KPNA4: variants seen among roughly 807,000 people sequenced by gnomAD.
KPNA4 encodes karyopherin subunit alpha 4.
Under a neutral mutation model 71.3 loss-of-function variants are expected in KPNA4, and 13 were observed. That is an observed-to-expected ratio of 0.18 (90% CI 0.12 to 0.29). KPNA4 has a LOEUF of 0.29. Ranked by LOEUF, KPNA4 falls within the 10% of genes least tolerant of loss-of-function variation. KPNA4 has a pLI of 1.00. For missense variants in KPNA4, 334 were observed against 603.2 expected, an observed-to-expected ratio of 0.55 and a Z score of 4.67; for synonymous variants, 189 against 195.2, an observed-to-expected ratio of 0.97 and a Z score of 0.26.
chr3:160,525,778 A>G (rs765173084), intron 10 of KPNA4, 22 bp downstream of exon 10: 29 of 1,477,584 alleles, frequency 2.0e-5, no homozygotes, highest in Non-Finnish European at 2.4e-5. Flanking sequence ...ACATAAATAT[A>G]TAATAGGACA....
At chr3:160,530,297 G>A (rs1199219160) in intron 7 of KPNA4, among the ~76,000 whole-genome samples, 1 of 151,978 alleles carries the variant, frequency 6.6e-6, no homozygotes, top group Non-Finnish European at 1.5e-5. Context: ...GTGAAACCCT[G>A]TCTCTACAAA....
Position 160,528,388 on chromosome 3 carries a change from C to T in KPNA4, c.470-349G>A, listed in dbSNP as rs181619975. On this transcript the variant is annotated intron_variant, in intron 7 of 16. Transcript: ENST00000334256. Reference sequence around the variant, plus strand: ...TAACTTTTTTTTTGTTTTTTTGAGACGGAGTCTCACTCTGTCATCCAGGCT... The same window carrying T: ...TAACTTTTTTTTTGTTTTTTTGAGATGGAGTCTCACTCTGTCATCCAGGCT... Among the ~76,000 whole-genome samples the T allele has an allele frequency of 3.4e-3, 518 of 151,130 alleles. 3 individuals are homozygous for T. The highest frequency in any genetic ancestry group is 6.8e-3 in the Middle Eastern group (2 of 294).
chr3:160,545,820 T>C (rs1034546974), intron 1 of KPNA4, among the ~76,000 whole-genome samples: 14 of 151,976 alleles, frequency 9.2e-5, no homozygotes, highest in African/African-American at 3.1e-4. Flanking sequence ...TCTGAATATA[T>C]TTTGAAGACA....
rs183597130 is a variant in KPNA4, at chr3:160,527,552, G to A, written c.556+401C>T. Reference sequence around the variant, plus strand: ...AGACTCTTCTCAGAACTGTCATTACGGAGAAAAATTATTGGTTTAAGTTTT... The same window carrying A: ...AGACTCTTCTCAGAACTGTCATTACAGAGAAAAATTATTGGTTTAAGTTTT... On this transcript the variant is annotated intron_variant, in intron 8 of 16. Coordinates refer to ENST00000334256, the MANE Select transcript of KPNA4 (RefSeq NM_002268.5). Among the ~76,000 whole-genome samples the A allele has an allele frequency of 5.9e-5, 9 of 152,128 alleles. No homozygotes were observed. In the South Asian group the frequency reaches 1.0e-3, roughly 18 times the overall value.
chr3:160,532,550 A>G (rs943812363), intron 5 of KPNA4, among the ~76,000 whole-genome samples: 1 of 152,222 alleles, frequency 6.6e-6, no homozygotes, highest in Non-Finnish European at 1.5e-5. Context: ...CATGGAGCTT[A>G]TAAGATAAAA....
intron 1 of KPNA4, among the ~76,000 whole-genome samples, chr3:160,541,795 G>T (rs1262511522): frequency 6.6e-6 from 1 of 151,832 alleles, no homozygotes; most frequent in Non-Finnish European, 1.5e-5. Flanking sequence ...ATACAAAGAT[G>T]GACCAGACAC....
At chr3:160,545,313 G>A (rs1412127083) in intron 1 of KPNA4, among the ~76,000 whole-genome samples, 1 of 152,210 alleles carries the variant, frequency 6.6e-6, no homozygotes, top group African/African-American at 2.4e-5. Flanking sequence ...CTAAACAGAT[G>A]TATGCATGTG....
intron 1 of KPNA4, among the ~76,000 whole-genome samples, chr3:160,542,730 G>A (rs982312564): frequency 2.6e-5 from 4 of 152,108 alleles, no homozygotes; most frequent in African/African-American, 9.7e-5. Context: ...TCTTTAAGAA[G>A]TGATAAGATT....
chr3:160,540,754 T>C (rs1721782206), intron 1 of KPNA4, among the ~76,000 whole-genome samples: 1 of 152,210 alleles, frequency 6.6e-6, no homozygotes, highest in Admixed American at 6.5e-5. Flanking sequence ...TCCAGAAAGC[T>C]GACAAACTGG....
At chr3:160,517,015 A>G (rs1216698927) in intron 11 of KPNA4, among the ~76,000 whole-genome samples, 1 of 152,022 alleles carries the variant, frequency 6.6e-6, no homozygotes, top group Non-Finnish European at 1.5e-5. Context: ...AAAGTGTACA[A>G]TTCAGTAGTT....
At chr3:160,519,350 T>C (rs1371802246) in intron 11 of KPNA4, among the ~76,000 whole-genome samples, 2 of 152,174 alleles carry the variant, frequency 1.3e-5, no homozygotes, top group East Asian at 3.8e-4. Context: ...TTAAAATATA[T>C]AGCAAGCAGA....
At chr3:160,509,228 A>G (rs1721045312) in intron 14 of KPNA4, among the ~76,000 whole-genome samples, 1 of 152,132 alleles carries the variant, frequency 6.6e-6, no homozygotes, top group African/African-American at 2.4e-5. Context: ...CTAGTTCCTA[A>G]GTCCTAGCCA....
chr3:160,553,736 G>C (rs528809934), intron 1 of KPNA4, among the ~76,000 whole-genome samples: 1 of 152,184 alleles, frequency 6.6e-6, no homozygotes, highest in African/African-American at 2.4e-5. Flanking sequence ...GGCAAATAAC[G>C]AAAGAGATGC....
intron 7 of KPNA4, among the ~76,000 whole-genome samples, chr3:160,530,289 G>A (rs1721547981): frequency 1.3e-5 from 2 of 152,036 alleles, no homozygotes; most frequent in South Asian, 2.1e-4. Context: ...GCAACATGGT[G>A]AAACCCTGTC....
rs771257976 is a variant in KPNA4, at chr3:160,535,466, CCTGTG to C, written c.287+42_287+46del. ...AATAGTAAAAATTCAAAATAGAACC[CCTGTG>C]TAAGTTGTAAAATCTAAACATGTCT... On this transcript the variant is annotated intron_variant, in intron 5 of 16. Coordinates refer to ENST00000334256, the MANE Select transcript of KPNA4 (RefSeq NM_002268.5). 5 of 1,423,442 alleles carry C rather than the reference CCTGTG, an allele frequency of 3.5e-6. No homozygotes were observed. The African/African-American group carries it at 5.7e-5, about 16-fold the overall frequency. The allele number at this position is 1,423,442 out of a possible 1,614,324, so 88.2% of individuals were successfully genotyped here. A position where few individuals can be genotyped will look rare whatever the true frequency, so the allele number is the denominator to read the frequency against.
intron 1 of KPNA4, among the ~76,000 whole-genome samples, chr3:160,541,897 A>G (rs1457333749): frequency 6.6e-6 from 1 of 152,246 alleles, no homozygotes; most frequent in Admixed American, 6.5e-5. Flanking sequence ...AGCAAACAGC[A>G]AGTGCCAAAC....
chr3:160,561,803 GTAAGAGAA>G, intron 1 of KPNA4, among the ~76,000 whole-genome samples: 1 of 152,096 alleles, frequency 6.6e-6, no homozygotes, highest in South Asian at 2.1e-4. Context: ...AAATAAGGGA[GTAAGAGAA>G]TCAATTATAC....
At chr3:160,553,207 G>C (rs997886290) in intron 1 of KPNA4, among the ~76,000 whole-genome samples, 1 of 152,088 alleles carries the variant, frequency 6.6e-6, no homozygotes, top group Non-Finnish European at 1.5e-5. Flanking sequence ...CTTTCCGGGG[G>C]TGCTCCTGAA....
chr3:160,563,024 T>C (rs1722276151), intron 1 of KPNA4, among the ~76,000 whole-genome samples: 1 of 152,198 alleles, frequency 6.6e-6, no homozygotes, highest in South Asian at 2.1e-4. Context: ...ATTCTATTCC[T>C]AGGTATATAG....
Sources: allele counts gnomAD v4.1 joint callset (sites outside exome capture counted in the v4.1 genomes callset), GRCh38; gene constraint gnomAD v4.1.1; transcripts MANE v1.5; gene names NCBI Gene and HGNC (gene_info 2026-07-23, HGNC 2026-07-21).